The following VPS13B variants were observed in gnomAD, a reference collection of about 807,000 sequenced individuals.
VPS13B encodes the protein vacuolar protein sorting 13 homolog B.
VPS13B carries 285 observed loss-of-function variants against 426.4 expected under a neutral mutation model. That is an observed-to-expected ratio of 0.67 (90% CI 0.61 to 0.74). The LOEUF (loss-of-function observed/expected upper bound fraction) is 0.74, where lower values mean the gene tolerates loss of function less well. Ranked by LOEUF, VPS13B falls within the 30% of genes least tolerant of loss-of-function variation. The probability of loss-of-function intolerance (pLI) is 0.00; values close to 1 mark genes in which losing one functional copy is unlikely to be tolerated. For synonymous variants in VPS13B, 1,676 were observed against 1,676.4 expected, an observed-to-expected ratio of 1.00 and a Z score of 0.01; for missense variants, 4,537 against 4,782.6, an observed-to-expected ratio of 0.95 and a Z score of 1.51.
chr8:99,409,819 A>G (rs1215189445), intron 21 of VPS13B, among the ~76,000 whole-genome samples: 1 of 152,212 alleles, frequency 6.6e-6, no homozygotes, highest in African/African-American at 2.4e-5. Context: ...AAGAGTTTTG[A>G]GTATTAGCAA....
chr8:99,376,466 T>C (rs1465849227), intron 19 of VPS13B, among the ~76,000 whole-genome samples: 2 of 152,198 alleles, frequency 1.3e-5, no homozygotes, highest in Admixed American at 1.3e-4. Context: ...TGAGGTCGTT[T>C]TTGGTATAAT....
intron 33 of VPS13B, among the ~76,000 whole-genome samples, chr8:99,602,973 C>T (rs940032610): frequency 1.9e-4 from 29 of 152,092 alleles, no homozygotes; most frequent in African/African-American, 6.8e-4. Flanking sequence ...TTTATAGATT[C>T]AATGCTATCC....
intron 26 of VPS13B, 96 bp from the exon 27 acceptor site, chr8:99,502,739 TA>T: frequency 1.1e-6 from 1 of 934,622 alleles, no homozygotes; most frequent in South Asian, 1.3e-5. Context: ...CCTCTGTACA[TA>T]TCCAGCATGC....
chr8:99,331,820 A>C (rs1810560458), intron 19 of VPS13B, among the ~76,000 whole-genome samples: 1 of 151,780 alleles, frequency 6.6e-6, no homozygotes, highest in Non-Finnish European at 1.5e-5. Flanking sequence ...ATGAGACAGA[A>C]GGATACATTG....
At chr8:99,490,091 T>C (rs1820519322) in intron 25 of VPS13B, among the ~76,000 whole-genome samples, 1 of 152,206 alleles carries the variant, frequency 6.6e-6, no homozygotes, top group African/African-American at 2.4e-5. Context: ...ACCTAGTTTA[T>C]TGAGAGTTTT....
At chr8:99,416,456 C>T (rs3103715) in intron 21 of VPS13B, among the ~76,000 whole-genome samples, 40,272 of 151,856 alleles carry the variant, frequency 0.27, 6,089 homozygotes, top group East Asian at 0.43. Context: ...CCAGACACCA[C>T]TGGCATATGA....
chr8:99,560,122 C>T (rs975080730), intron 31 of VPS13B, among the ~76,000 whole-genome samples: 2 of 152,106 alleles, frequency 1.3e-5, no homozygotes, highest in African/African-American at 4.8e-5. Context: ...AGGTCCTTCC[C>T]ATCCCTTGTA....
At chr8:99,389,381 T>C (rs1814298945) in intron 20 of VPS13B, among the ~76,000 whole-genome samples, 1 of 152,094 alleles carries the variant, frequency 6.6e-6, no homozygotes, top group Non-Finnish European at 1.5e-5. Flanking sequence ...CTAGAAACAA[T>C]GCAAGGGCTA....
chr8:99,691,108 C>G (rs1831635295), intron 35 of VPS13B, among the ~76,000 whole-genome samples: 1 of 152,004 alleles, frequency 6.6e-6, no homozygotes, highest in Admixed American at 6.6e-5. Flanking sequence ...AAACCGGGTA[C>G]AAAAATCACA....
chr8:99,677,669 C>T (rs954490732), intron 35 of VPS13B, among the ~76,000 whole-genome samples: 2 of 152,154 alleles, frequency 1.3e-5, no homozygotes, highest in Non-Finnish European at 2.9e-5. Flanking sequence ...GCTGGTTGTG[C>T]AGTTGGCAGG....
intron 19 of VPS13B, among the ~76,000 whole-genome samples, chr8:99,372,200 C>T (rs186324730): frequency 0.012 from 1,747 of 148,416 alleles, 28 homozygotes; most frequent in African/African-American, 0.041. Context: ...TGCAGTGAGC[C>T]GAGATTGCGC....
chr8:99,596,012 GT>G (rs1477852521), intron 33 of VPS13B, among the ~76,000 whole-genome samples: 1 of 151,824 alleles, frequency 6.6e-6, no homozygotes, highest in African/African-American at 2.4e-5. Context: ...ATAATAACAA[GT>G]TTCGACAAGA....
intron 17 of VPS13B, among the ~76,000 whole-genome samples, chr8:99,215,671 A>G (rs543320895): frequency 2.0e-5 from 3 of 152,270 alleles, no homozygotes; most frequent in African/African-American, 7.2e-5. Flanking sequence ...AAAATACACT[A>G]ATATGAGCAT....
chr8:99,669,089 A>G (rs1234564185), intron 35 of VPS13B, among the ~76,000 whole-genome samples: 2 of 152,150 alleles, frequency 1.3e-5, no homozygotes, highest in African/African-American at 2.4e-5. Context: ...AGCCTATAGA[A>G]AAAAATTAGC....
chr8:99,209,337 A>G (rs1473808947), intron 17 of VPS13B, among the ~76,000 whole-genome samples: 1 of 152,008 alleles, frequency 6.6e-6, no homozygotes. Flanking sequence ...ATACTACACA[A>G]TTCCAAATTT....
intron 29 of VPS13B, among the ~76,000 whole-genome samples, chr8:99,511,909 A>G (rs777889260): frequency 2.6e-5 from 4 of 152,200 alleles, no homozygotes; most frequent in Non-Finnish European, 5.9e-5. Flanking sequence ...AAGCCAAGAT[A>G]GGAGGACCAC....
intron 19 of VPS13B, 50 bp downstream of exon 19, chr8:99,275,304 T>TTTC: frequency 6.7e-7 from 1 of 1,497,662 alleles, no homozygotes; most frequent in Non-Finnish European, 8.9e-7. Context: ...TTTTTTTTTT[T>TTTC]TTTCCAGAAA....
chr8:99,822,347 G>C (rs1477689604), intron 50 of VPS13B, among the ~76,000 whole-genome samples: 1 of 152,198 alleles, frequency 6.6e-6, no homozygotes, highest in Non-Finnish European at 1.5e-5. Flanking sequence ...GTGATACCAA[G>C]AAATTGGTCT....
intron 37 of VPS13B, 77 bp from the exon 38 acceptor site, chr8:99,720,268 C>A: frequency 8.4e-7 from 1 of 1,188,970 alleles, no homozygotes; most frequent in Non-Finnish European, 1.2e-6. Flanking sequence ...TACATTAATT[C>A]AAATATGATT....
Sources: allele counts gnomAD v4.1 joint callset (sites outside exome capture counted in the v4.1 genomes callset), GRCh38; gene constraint gnomAD v4.1.1; transcripts MANE v1.5; gene names NCBI Gene and HGNC (gene_info 2026-07-23, HGNC 2026-07-21).